CDCA7L: variants seen among roughly 807,000 people sequenced by gnomAD.
CDCA7L encodes cell division cycle associated 7 like.
Under a neutral mutation model 57.4 loss-of-function variants are expected in CDCA7L, and 44 were observed. That is an observed-to-expected ratio of 0.77 (90% CI 0.60 to 0.98). The LOEUF (loss-of-function observed/expected upper bound fraction) is 0.98. CDCA7L is among the 50% of genes least tolerant of loss of function. The probability of loss-of-function intolerance (pLI) is 0.00; values close to 1 mark genes in which losing one functional copy is unlikely to be tolerated. For missense variants in CDCA7L, 644 were observed against 580.6 expected (o/e 1.11, Z -1.12); for synonymous variants, 236 against 202.8 (o/e 1.16, Z -1.39).
intron 1 of CDCA7L, among the ~76,000 whole-genome samples, chr7:21,930,398 T>C (rs1296294620): frequency 6.6e-6 from 1 of 152,034 alleles, no homozygotes; most frequent in African/African-American, 2.4e-5. Context: ...GCATCACAAT[T>C]AAAAGAACTA....
At chr7:21,938,133 G>A (rs1786229770) in intron 1 of CDCA7L, among the ~76,000 whole-genome samples, 1 of 152,082 alleles carries the variant, frequency 6.6e-6, no homozygotes, top group South Asian at 2.1e-4. Context: ...TATATAGAAT[G>A]AGAGAAAATA....
intron 3 of CDCA7L, among the ~76,000 whole-genome samples, chr7:21,911,326 C>A (rs1785319935): frequency 1.3e-5 from 2 of 151,856 alleles, no homozygotes; most frequent in African/African-American, 2.4e-5. Flanking sequence ...CGTGCCTGGC[C>A]AAGAGAGATA....
chr7:21,927,535 C>T (rs2128065990), intron 1 of CDCA7L, among the ~76,000 whole-genome samples: 1 of 152,202 alleles, frequency 6.6e-6, no homozygotes, highest in Admixed American at 6.5e-5. Context: ...TAAACTACTT[C>T]TTTAGGCACA....
intron 9 of CDCA7L, 136 bp downstream of exon 9, chr7:21,902,836 AACAGAT>A (rs1784973888): frequency 2.8e-6 from 2 of 716,214 alleles, no homozygotes. Context: ...TTCCAATGCA[AACAGAT>A]ACAGAATGGA....
intron 9 of CDCA7L, 169 bp downstream of exon 9, chr7:21,902,809 A>G: frequency 4.8e-6 from 3 of 624,266 alleles, no homozygotes; most frequent in Non-Finnish European, 7.9e-6. Context: ...AATAGGGAAA[A>G]TATCAGGCCT....
rs1001796363 is a variant in CDCA7L, at chr7:21,936,332, G to A, written c.24+9449C>T. ...GGAACACTTGAAACTCATTCTATGT[G>A]ACCAGCATTATCCTGATACCAAAGC... On this transcript the variant is annotated intron_variant, in intron 1 of 9. Transcript: ENST00000406877. 2.0e-5 allele frequency among the ~76,000 whole-genome samples: 3 copies of A among 152,282 alleles called. No homozygotes were observed. The South Asian group carries it at 6.2e-4, about 32-fold the overall frequency.
chr7:21,902,727 C>T, intron 9 of CDCA7L: 2 of 505,752 alleles, frequency 4.0e-6, no homozygotes, highest in East Asian at 6.6e-5. Context: ...CTGTCATACA[C>T]CTCAAGGAGA....
chr7:21,904,073 C>G, intron 8 of CDCA7L, 37 bp downstream of exon 8: 2 of 1,531,620 alleles, frequency 1.3e-6, no homozygotes, highest in South Asian at 2.6e-5. Flanking sequence ...CTTCCTTCAC[C>G]AATACAATTT....
chr7:21,921,259 T>C (rs1785641412), intron 1 of CDCA7L, among the ~76,000 whole-genome samples: 1 of 148,112 alleles, frequency 6.8e-6, no homozygotes, highest in Non-Finnish European at 1.5e-5. Flanking sequence ...AAAAAAACGG[T>C]GTGCATTCCT....
At chr7:21,915,901 A>T (rs1785469306) in intron 2 of CDCA7L, among the ~76,000 whole-genome samples, 1 of 152,090 alleles carries the variant, frequency 6.6e-6, no homozygotes, top group African/African-American at 2.4e-5. Flanking sequence ...GGTTAGAAGG[A>T]GGTCTACTGG....
At chr7:21,927,901 A>C (rs920295138) in intron 1 of CDCA7L, among the ~76,000 whole-genome samples, 1 of 152,224 alleles carries the variant, frequency 6.6e-6, no homozygotes. Flanking sequence ...AAGCAGACTT[A>C]AACGTCTCTG....
At chr7:21,926,421 A>G (rs1486654021) in intron 1 of CDCA7L, among the ~76,000 whole-genome samples, 1 of 152,254 alleles carries the variant, frequency 6.6e-6, no homozygotes, top group East Asian at 1.9e-4. Context: ...TATCTAGAAT[A>G]TATAAAGATT....
At chr7:21,906,012 C>A (rs1435851901) in intron 6 of CDCA7L, among the ~76,000 whole-genome samples, 2 of 152,174 alleles carry the variant, frequency 1.3e-5, no homozygotes, top group African/African-American at 2.4e-5. Context: ...TTATTGCCTG[C>A]AGCAGAGATT....
At chr7:21,921,719 G>A (rs1278563589) in intron 1 of CDCA7L, among the ~76,000 whole-genome samples, 1 of 150,062 alleles carries the variant, frequency 6.7e-6, no homozygotes, top group East Asian at 1.9e-4. Context: ...TCAATCAATG[G>A]ATATTTACAT....
chr7:21,933,140 G>C (rs1171333042), intron 1 of CDCA7L, among the ~76,000 whole-genome samples: 1 of 152,134 alleles, frequency 6.6e-6, no homozygotes, highest in Non-Finnish European at 1.5e-5. Context: ...ACATTAAAAA[G>C]TCAGGAAACA....
At chr7:21,927,427 A>G (rs1785862740) in intron 1 of CDCA7L, among the ~76,000 whole-genome samples, 1 of 152,256 alleles carries the variant, frequency 6.6e-6, no homozygotes. Context: ...CAGGCAAATC[A>G]GCAAATCTGA....
At chr7:21,903,795 A>C in intron 8 of CDCA7L, 1 of 230,994 alleles carries the variant, frequency 4.3e-6, no homozygotes. Flanking sequence ...GGAAAAACAA[A>C]ACAAATCAGA....
intron 1 of CDCA7L, among the ~76,000 whole-genome samples, chr7:21,919,777 C>T (rs779664436): frequency 6.6e-6 from 1 of 152,016 alleles, no homozygotes; most frequent in Admixed American, 6.6e-5. Context: ...CACAAAATAG[C>T]GCCAAACTGA....
intron 1 of CDCA7L, among the ~76,000 whole-genome samples, chr7:21,942,539 T>C (rs754648093): frequency 1.3e-5 from 2 of 152,236 alleles, no homozygotes; most frequent in Non-Finnish European, 2.9e-5. Context: ...AAACATAACT[T>C]TGAGTAAAGG....
Sources: gnomAD v4.1 joint callset for allele counts (sites outside exome capture counted in the v4.1 genomes callset) on GRCh38, gnomAD v4.1.1 for gene constraint, MANE v1.5 for transcripts, NCBI Gene and HGNC (gene_info 2026-07-23, HGNC 2026-07-21) for gene names.